The following NKAIN3 variants were observed in gnomAD, a reference collection of about 807,000 sequenced individuals.
The protein encoded by NKAIN3 is sodium/potassium-transporting ATPase subunit beta-1-interacting protein 3.
Under a neutral mutation model 30.2 loss-of-function variants are expected in NKAIN3, and 25 were observed. The observed-to-expected ratio is 0.83, with a 90% confidence interval of 0.60 to 1.16. The LOEUF (loss-of-function observed/expected upper bound fraction) is 1.16. NKAIN3 is among the 50% of genes most tolerant of loss of function. The pLI, the probability that NKAIN3 is intolerant of heterozygous loss-of-function variation, is 0.00. For synonymous variants in NKAIN3, 91 were observed against 89.6 expected, an observed-to-expected ratio of 1.02 and a Z score of -0.09; for missense variants, 225 against 254.1, an observed-to-expected ratio of 0.89 and a Z score of 0.78.
intron 1 of NKAIN3, among the ~76,000 whole-genome samples, chr8:62,356,294 T>C (rs1415505866): frequency 6.6e-6 from 1 of 152,216 alleles, no homozygotes; most frequent in Non-Finnish European, 1.5e-5. Flanking sequence ...AATTTACAAT[T>C]CTAATCCCAT....
intron 1 of NKAIN3, among the ~76,000 whole-genome samples, chr8:62,547,921 G>C (rs1421841528): frequency 6.6e-6 from 1 of 152,190 alleles, no homozygotes; most frequent in East Asian, 1.9e-4. Flanking sequence ...TTCTTGATGA[G>C]ACACAGGATT....
chr8:62,656,987 C>T (rs999671456), intron 3 of NKAIN3, among the ~76,000 whole-genome samples: 1 of 152,164 alleles, frequency 6.6e-6, no homozygotes, highest in East Asian at 1.9e-4. Flanking sequence ...TTTGTGTTTT[C>T]TAAGCTAAAA....
intron 3 of NKAIN3, among the ~76,000 whole-genome samples, chr8:62,743,919 C>T (rs1237472924): frequency 6.6e-6 from 1 of 152,098 alleles, no homozygotes; most frequent in East Asian, 1.9e-4. Flanking sequence ...TTATGTCTAC[C>T]TTTAGACAAG....
intron 4 of NKAIN3, among the ~76,000 whole-genome samples, chr8:62,887,760 T>C (rs1212600673): frequency 6.6e-6 from 1 of 152,212 alleles, no homozygotes; most frequent in African/African-American, 2.4e-5. Context: ...TTTCTCTGCT[T>C]ACATTGTCCT....
chr8:62,301,346 C>A (rs935032169), intron 1 of NKAIN3, among the ~76,000 whole-genome samples: 1 of 151,846 alleles, frequency 6.6e-6, no homozygotes, highest in African/African-American at 2.4e-5. Flanking sequence ...GGACAGCTCC[C>A]AAAACAGAAT....
intron 3 of NKAIN3, among the ~76,000 whole-genome samples, chr8:62,622,711 C>T (rs979624829): frequency 1.3e-5 from 2 of 151,764 alleles, no homozygotes. Flanking sequence ...TATTTTCTCC[C>T]AGTGTGTAGC....
intron 2 of NKAIN3, among the ~76,000 whole-genome samples, chr8:62,589,418 T>C (rs1240850780): frequency 6.6e-6 from 1 of 151,688 alleles, no homozygotes; most frequent in African/African-American, 2.4e-5. Flanking sequence ...GAAAAGATAA[T>C]ACTCAGAAAA....
At chr8:62,883,459 T>TGTTGTTGTTTTTG (rs1554588081) in intron 4 of NKAIN3, among the ~76,000 whole-genome samples, 1 of 78,378 alleles carries the variant, frequency 1.3e-5, no homozygotes, top group Admixed American at 1.8e-4. Context: ...TTTTATGGGT[T>TGTTGTTGTTTTTG]TTTTTTTTTT....
At chr8:62,519,019 A>G (rs1202110477) in intron 1 of NKAIN3, among the ~76,000 whole-genome samples, 1 of 149,980 alleles carries the variant, frequency 6.7e-6, no homozygotes, top group African/African-American at 2.5e-5. Flanking sequence ...TATTTTCCCT[A>G]AGGGTAAAAT....
At chr8:62,828,366 T>A (rs1344768561) in intron 4 of NKAIN3, among the ~76,000 whole-genome samples, 5 of 152,128 alleles carry the variant, frequency 3.3e-5, no homozygotes, top group Non-Finnish European at 7.4e-5. Context: ...TTAAAATTCA[T>A]AGAACTGCAA....
intron 4 of NKAIN3, among the ~76,000 whole-genome samples, chr8:62,862,437 A>G (rs1427339968): frequency 1.3e-5 from 2 of 152,174 alleles, no homozygotes; most frequent in African/African-American, 4.8e-5. Flanking sequence ...AAAAGATTAA[A>G]GAAACTGGTT....
At chr8:62,664,221 C>A (rs555358162) in intron 3 of NKAIN3, among the ~76,000 whole-genome samples, 1 of 151,820 alleles carries the variant, frequency 6.6e-6, no homozygotes, top group East Asian at 1.9e-4. Context: ...TCAAAGTATA[C>A]CAGATCACTT....
chr8:62,632,703 A>T (rs1309368009), intron 3 of NKAIN3, among the ~76,000 whole-genome samples: 1 of 151,964 alleles, frequency 6.6e-6, no homozygotes, highest in Non-Finnish European at 1.5e-5. Flanking sequence ...GGGTTTCACC[A>T]TGTTGGCCAG....
At chr8:62,308,984 G>T (rs951422604) in intron 1 of NKAIN3, among the ~76,000 whole-genome samples, 1 of 150,318 alleles carries the variant, frequency 6.7e-6, no homozygotes, top group African/African-American at 2.5e-5. Context: ...TAAAGGGCTT[G>T]TTATTTGCTA....
At chr8:62,617,458 C>A (rs950882787) in intron 3 of NKAIN3, among the ~76,000 whole-genome samples, 5 of 152,040 alleles carry the variant, frequency 3.3e-5, no homozygotes, top group Non-Finnish European at 4.4e-5. Context: ...TAAAGTTAAA[C>A]CAGAATGAGA....
At chr8:62,465,590 A>C (rs774171147) in intron 1 of NKAIN3, among the ~76,000 whole-genome samples, 5 of 152,178 alleles carry the variant, frequency 3.3e-5, no homozygotes, top group Non-Finnish European at 7.3e-5. Flanking sequence ...AAACCATCCA[A>C]TGTCTCCTTC....
chr8:62,308,741 A>G (rs1289293296), intron 1 of NKAIN3, among the ~76,000 whole-genome samples: 2 of 150,464 alleles, frequency 1.3e-5, no homozygotes, highest in Admixed American at 6.6e-5. Flanking sequence ...CAAGCCAGCT[A>G]CTGTAGAAAG....
At chr8:62,298,854 G>T (rs1813935870) in intron 1 of NKAIN3, among the ~76,000 whole-genome samples, 1 of 148,872 alleles carries the variant, frequency 6.7e-6, no homozygotes. Flanking sequence ...ATTATATTAA[G>T]TATGAATCAA....
At chr8:62,452,441 A>G (rs1767179680) in intron 1 of NKAIN3, among the ~76,000 whole-genome samples, 2 of 152,172 alleles carry the variant, frequency 1.3e-5, no homozygotes, top group African/African-American at 4.8e-5. Flanking sequence ...GTGCCACTGC[A>G]CTCCGGCCTG....
Sources: allele counts gnomAD v4.1 joint callset (sites outside exome capture counted in the v4.1 genomes callset), GRCh38; gene constraint gnomAD v4.1.1; transcripts MANE v1.5; gene names NCBI Gene and HGNC (gene_info 2026-07-23, HGNC 2026-07-21).